The following PRELID3A variants were observed in gnomAD, a reference collection of about 807,000 sequenced individuals.
PRELID3A encodes the protein PRELI domain containing 3A.
A neutral mutation model predicts 23.0 loss-of-function variants in PRELID3A; 27 were observed. The ratio of observed to expected loss-of-function variants is 1.17; its 90% CI spans 0.87 to 1.62. The LOEUF is 1.62. Among genes scored for constraint, PRELID3A ranks in the 40% most tolerant of loss-of-function variants. PRELID3A has a pLI of 0.00. For missense variants in PRELID3A, 231 were observed against 231.4 expected, an observed-to-expected ratio of 1.00 and a Z score of 0.01; for synonymous variants, 87 against 86.4, an observed-to-expected ratio of 1.01 and a Z score of -0.04.
chr18:12,427,428 G>A, intron 5 of PRELID3A, 105 bp downstream of exon 5: 1 of 910,404 alleles, frequency 1.1e-6, no homozygotes, highest in Admixed American at 2.2e-5. Context: ...TGGGCATGGT[G>A]GCTCATGTCT....
chr18:12,410,559 G>T (rs1038411949), intron 1 of PRELID3A, among the ~76,000 whole-genome samples: 1 of 152,086 alleles, frequency 6.6e-6, no homozygotes, highest in Non-Finnish European at 1.5e-5. Context: ...TTACTGTGTA[G>T]TTTTCCCCTT....
In PRELID3A at chr18:12,420,506, G is replaced by T; in HGVS notation, c.201+13G>T. The T allele has an allele frequency of 2.0e-6, 3 of 1,512,612 alleles. No homozygotes were observed. In the South Asian group the frequency reaches 3.8e-5, roughly 19 times the overall value. 93.7% of individuals were successfully genotyped at this position (1,512,612 alleles called of 1,614,324 possible). On this transcript the variant is annotated intron_variant, in intron 2 of 6. Transcript: ENST00000440960. ...CCTCGTGAGAGCGGTGAGCGGGGCG[G>T]GGGCTGCGGCTCCGAACGCGCCCGA...
At chr18:12,426,005 G>A (rs1025986295) in intron 3 of PRELID3A, among the ~76,000 whole-genome samples, 4 of 152,088 alleles carry the variant, frequency 2.6e-5, no homozygotes, top group African/African-American at 7.2e-5. Flanking sequence ...GGGAGGGTAA[G>A]GCAGACAGAT....
At chr18:12,428,405 C>T (rs1046164303) in intron 5 of PRELID3A, among the ~76,000 whole-genome samples, 4 of 152,184 alleles carry the variant, frequency 2.6e-5, no homozygotes, top group African/African-American at 9.7e-5. Context: ...TTTGTCTGTC[C>T]CTCCTACCCC....
rs560922549 is a variant in PRELID3A, at chr18:12,408,190, G to C, written c.32+183G>C. ...GGAGAGGGCACGCGCGCTTCCCCGG[G>C]ACCGCGGTCTGGGCGAGGCTCTGCG... On this transcript the variant is annotated intron_variant, in intron 1 of 6. Transcript: ENST00000440960. Among the ~76,000 whole-genome samples, 672 of 152,068 alleles carry C rather than the reference G, an allele frequency of 4.4e-3. 3 individuals carry two copies. Among genetic ancestry groups the C allele is most frequent in the African/African-American group, 0.014 (573 of 41,544 alleles).
At chr18:12,426,335 A>C (rs1283097082) in intron 3 of PRELID3A, among the ~76,000 whole-genome samples, 1 of 151,516 alleles carries the variant, frequency 6.6e-6, no homozygotes, top group Non-Finnish European at 1.5e-5. Flanking sequence ...CGGGCGGATC[A>C]CGAGGTCAGG....
At chr18:12,410,686 TAC>T (rs1909878195) in intron 1 of PRELID3A, 1 of 152,022 alleles carries the variant, frequency 6.6e-6, no homozygotes, top group East Asian at 1.9e-4. Flanking sequence ...TTGGAAATAA[TAC>T]ATTTACTTTT....
At chr18:12,418,936 TC>T (rs2030047395) in intron 1 of PRELID3A, among the ~76,000 whole-genome samples, 1 of 152,014 alleles carries the variant, frequency 6.6e-6, no homozygotes, top group African/African-American at 2.4e-5. Flanking sequence ...TGCCCATAAT[TC>T]CAGCACTTTG....
chr18:12,425,615 G>C (rs12605079), intron 3 of PRELID3A, among the ~76,000 whole-genome samples: 64,672 of 147,506 alleles, frequency 0.44, 15,338 homozygotes, highest in Middle Eastern at 0.68. Context: ...CTGGGCGACA[G>C]AGCGAGACTC....
At chr18:12,411,143 G>A (rs1371908429) in intron 1 of PRELID3A, among the ~76,000 whole-genome samples, 2 of 151,934 alleles carry the variant, frequency 1.3e-5, no homozygotes, top group African/African-American at 2.4e-5. Context: ...CTGAATTAAC[G>A]TGTGTGTTAC....
chr18:12,428,697 G>C (rs951843140), intron 5 of PRELID3A, among the ~76,000 whole-genome samples: 4 of 152,330 alleles, frequency 2.6e-5, no homozygotes, highest in East Asian at 1.9e-4. Context: ...AAGGCCAAAG[G>C]GGGAGAGCTT....
Position 12,426,282 on chromosome 18 carries a change from G to C in PRELID3A, c.292-759G>C, listed in dbSNP as rs536515661. ...AGAAAAAGAAAATATAGGCCGGGTG[G>C]AGTGGCTCACGCCTGTAATCCCAGC... is the stretch of plus-strand genomic sequence containing the variant. On this transcript the variant is annotated intron_variant, in intron 3 of 6. Coordinates refer to ENST00000440960, the MANE Select transcript of PRELID3A (RefSeq NM_001142405.2). Among the ~76,000 whole-genome samples, 147 of 150,100 alleles carry C rather than the reference G, an allele frequency of 9.8e-4. 1 individual carries two copies. Among genetic ancestry groups the C allele is most frequent in the South Asian group, 3.8e-3 (18 of 4,754 alleles).
At position 12,407,972 on chromosome 18, in the gene PRELID3A, G is replaced by C. The variant is rs1007341292; in HGVS notation, c.-4G>C. ...CGCAGAGCCCGCGCCCTGCGCCGGC[G>C]GCAATGAAGATCTGGAGCTCGGAGC... On this transcript the variant is annotated 5_prime_UTR_variant, in exon 1 of 7. Transcript: ENST00000440960. 2 of 1,297,434 alleles carry C rather than the reference G, an allele frequency of 1.5e-6. No individual in the cohort carries two copies. The highest frequency in any genetic ancestry group is 1.5e-5 in the African/African-American group (1 of 64,626). 80.4% of individuals were successfully genotyped at this position (1,297,434 alleles called of 1,614,324 possible). A position where few individuals can be genotyped will look rare whatever the true frequency, so the allele number is the denominator to read the frequency against.
chr18:12,410,973 A>C (rs543942564), intron 1 of PRELID3A: 1 of 152,200 alleles, frequency 6.6e-6, no homozygotes, highest in Non-Finnish European at 1.5e-5. Context: ...TGCTGGGATT[A>C]CAGTACTTTT....
At position 12,425,505 on chromosome 18, in the gene PRELID3A, G is replaced by A. The variant is rs376472952; in HGVS notation, c.292-1536G>A. 4.9e-4 allele frequency among the ~76,000 whole-genome samples: 74 copies of A among 151,390 alleles called. 2 individuals are homozygous for A. In the South Asian group the frequency reaches 0.012, roughly 24 times the overall value. On this transcript the variant is annotated intron_variant, in intron 3 of 6. Coordinates refer to ENST00000440960, the MANE Select transcript of PRELID3A (RefSeq NM_001142405.2). ...AAATTAGCCAGGCATGGTGGCGGGCGCCTGTAGTCCCAGCTACTGGGGAGG... is the reference window on the plus strand; with the variant it reads ...AAATTAGCCAGGCATGGTGGCGGGCACCTGTAGTCCCAGCTACTGGGGAGG...
chr18:12,414,442 T>C (rs910844986), intron 1 of PRELID3A, among the ~76,000 whole-genome samples: 10 of 152,186 alleles, frequency 6.6e-5, no homozygotes, highest in African/African-American at 2.4e-4. Flanking sequence ...AGGCCAGTCA[T>C]TGGCCGGGCG....
At chr18:12,414,829 G>T (rs2029895712) in intron 1 of PRELID3A, among the ~76,000 whole-genome samples, 1 of 152,136 alleles carries the variant, frequency 6.6e-6, no homozygotes, top group South Asian at 2.1e-4. Context: ...AGCCACCAGG[G>T]TGTGTGGCCC....
Position 12,426,760 on chromosome 18 carries a change from A to G in PRELID3A, c.292-281A>G, listed in dbSNP as rs77889782. Reference sequence around the variant, plus strand: ...CACACAGGCCTATTTGTCCTTTTCTATGGTACAACTGCTGATAGTTTTGGC... The same window carrying G: ...CACACAGGCCTATTTGTCCTTTTCTGTGGTACAACTGCTGATAGTTTTGGC... On this transcript the variant is annotated intron_variant, in intron 3 of 6. Transcript: ENST00000440960. Among the ~76,000 whole-genome samples, 126 of 152,202 alleles carry G rather than the reference A, an allele frequency of 8.3e-4. 1 individual carries two copies. Among genetic ancestry groups the G allele is most frequent in the Middle Eastern group, 3.4e-3 (1 of 294 alleles).
At chr18:12,423,661 G>A (rs984007752) in intron 3 of PRELID3A, among the ~76,000 whole-genome samples, 2 of 152,184 alleles carry the variant, frequency 1.3e-5, no homozygotes, top group Admixed American at 6.5e-5. Flanking sequence ...GCTGCAGTGA[G>A]GGAATGGCGA....
Sources: allele counts gnomAD v4.1 joint callset (sites outside exome capture counted in the v4.1 genomes callset), GRCh38; gene constraint gnomAD v4.1.1; transcripts MANE v1.5; gene names NCBI Gene and HGNC (gene_info 2026-07-23, HGNC 2026-07-21).